TEFM: variants seen among roughly 807,000 people sequenced by gnomAD.
The protein encoded by TEFM is transcription elongation factor, mitochondrial.
TEFM carries 14 observed loss-of-function variants against 23.0 expected under a neutral mutation model. The observed-to-expected ratio is 0.61, with a 90% CI of 0.40 to 0.95. The LOEUF (loss-of-function observed/expected upper bound fraction) is 0.95, where lower values mean the gene tolerates loss of function less well. TEFM is among the 40% of genes least tolerant of loss of function. The probability of loss-of-function intolerance (pLI) is 0.00; values close to 1 mark genes in which losing one functional copy is unlikely to be tolerated. For synonymous variants in TEFM, 155 were observed against 158.3 expected, an observed-to-expected ratio of 0.98 and a Z score of 0.16; for missense variants, 386 against 425.5, an observed-to-expected ratio of 0.91 and a Z score of 0.82.
chr17:30,900,276 CATAAT>C, intron 3 of TEFM, 132 bp downstream of exon 3: 1 of 832,230 alleles, frequency 1.2e-6, no homozygotes, highest in Non-Finnish European at 1.8e-6. Context: ...TGATGGAAAA[CATAAT>C]AGGAATAAGT....
rs752803488 is a variant in TEFM at position 30,899,607 on chromosome 17, CTT to C, written c.646-3_646-2del. On this transcript the variant is annotated splice_acceptor_variant and splice_polypyrimidine_tract_variant and intron_variant, in intron 3 of 3. Coordinates refer to ENST00000581216, the MANE Select transcript of TEFM (RefSeq NM_024683.4). LOFTEE classifies it high-confidence loss of function. Reference sequence around the variant, plus strand: ...GCATCTTTGAAATGATCGAGGAAATCTTTTTAAAAAAAGACAAAATAAAGGAA... The same window carrying C: ...GCATCTTTGAAATGATCGAGGAAATCTTTAAAAAAAGACAAAATAAAGGAA... 1 of 1,493,172 alleles carries C rather than the reference CTT, an allele frequency of 6.7e-7. No homozygotes were observed. The highest frequency in any genetic ancestry group is 1.4e-5 in the South Asian group (1 of 69,904). 92.5% of individuals were successfully genotyped at this position (1,493,172 alleles called of 1,614,324 possible). A position where few individuals can be genotyped will look rare whatever the true frequency, so the allele number is the denominator to read the frequency against.
Position 30,899,428 on chromosome 17 carries a change from C to G in TEFM, c.824G>C (p.Ser275Thr), listed in dbSNP as rs762494699. 6.2e-7 allele frequency: 1 copy of G among 1,614,094 alleles called. No homozygotes were observed. Among genetic ancestry groups the G allele is most frequent in the Non-Finnish European group, 8.5e-7 (1 of 1,180,038 alleles). ...CTTCCCCACTGCATTTCGATTCATG[C>G]TCAGCACCTGATGCTGCCCATCCTG... The part of the protein sequence containing the change: ...FAQDGQHQVL[S>T]MNRNAVGKHF... The change falls in exon 4 of 4, where the codon AGC (serine) becomes ACC (threonine). Residue 275 changes from serine (S) to threonine (T), a missense_variant. Coordinates refer to ENST00000581216, the MANE Select transcript of TEFM (RefSeq NM_024683.4).
Position 30,902,502 on chromosome 17 carries a change from C to T in TEFM, c.495+1564G>A, listed in dbSNP as rs542435843. Among the ~76,000 whole-genome samples the T allele has an allele frequency of 5.9e-5, 9 of 152,288 alleles. No homozygotes were observed. In the South Asian group the frequency reaches 1.9e-3, roughly 32 times the overall value. On this transcript the variant is annotated intron_variant, in intron 2 of 3. Coordinates refer to ENST00000581216, the MANE Select transcript of TEFM (RefSeq NM_024683.4). ...GCCCCCTAAATAAGATGCAACTCCA[C>T]TCTAATCTGGGTATAAATAGTTTTG... is the stretch of plus-strand genomic sequence containing the variant.
At chr17:30,900,871 G>A (rs1910033217) in intron 2 of TEFM, among the ~76,000 whole-genome samples, 1 of 151,982 alleles carries the variant, frequency 6.6e-6, no homozygotes, top group Non-Finnish European at 1.5e-5. Context: ...CTCCCAAAGA[G>A]CTAGGATTAC....
rs11653096 is a variant in TEFM, at chr17:30,906,145, C to T, written c.31+23G>A. ...GAGGCTAATGACAGACGGGAAATCACCCCAGTGTTCCAAGCACCCTACCTC... is the reference window on the plus strand; with the variant it reads ...GAGGCTAATGACAGACGGGAAATCATCCCAGTGTTCCAAGCACCCTACCTC... On this transcript the variant is annotated intron_variant, in intron 1 of 3. Transcript: ENST00000581216. The T allele has an allele frequency of 4.3e-4, 543 of 1,266,180 alleles. 2 individuals are homozygous for T. The highest frequency in any genetic ancestry group is 1.2e-3 in the Middle Eastern group (6 of 4,926). The allele number at this position is 1,266,180 out of a possible 1,614,324, so 78.4% of individuals were successfully genotyped here.
intron 1 of TEFM, among the ~76,000 whole-genome samples, chr17:30,905,531 A>G (rs1207077339): frequency 6.6e-6 from 1 of 152,168 alleles, no homozygotes; most frequent in African/African-American, 2.4e-5. Context: ...AAAAAAAAAA[A>G]AAAAAGGGTT....
At chr17:30,904,703 G>A (rs1327300275) in intron 1 of TEFM, among the ~76,000 whole-genome samples, 174 bp from the exon 2 acceptor site, 2 of 146,836 alleles carry the variant, frequency 1.4e-5, no homozygotes, top group East Asian at 2.0e-4. Context: ...TTTTTGAGAC[G>A]GAGTCTTGCT....
intron 2 of TEFM, 194 bp downstream of exon 2, chr17:30,903,872 C>T: frequency 1.8e-6 from 1 of 543,536 alleles, no homozygotes; most frequent in Non-Finnish European, 3.2e-6. Context: ...CCACAACAGT[C>T]ACAGCCCATT....
chr17:30,904,602 A>G, intron 1 of TEFM, 73 bp from the exon 2 acceptor site: 5 of 1,057,276 alleles, frequency 4.7e-6, no homozygotes, highest in Non-Finnish European at 6.8e-6. Context: ...GCTTGACTAG[A>G]TCCTTTGCAA....
intron 3 of TEFM, chr17:30,899,869 A>G (rs1910000651): frequency 6.9e-6 from 2 of 291,238 alleles, no homozygotes; most frequent in African/African-American, 2.2e-5. Flanking sequence ...AATTTCTAAA[A>G]TATGTATTGG....
At chr17:30,905,922 G>A (rs1026188570) in intron 1 of TEFM, among the ~76,000 whole-genome samples, 1 of 152,142 alleles carries the variant, frequency 6.6e-6, no homozygotes. Context: ...CCCAAGAGAG[G>A]GGCCTGAACA....
chr17:30,900,560 T>G lies in TEFM; in HGVS notation c.498A>C (p.Ala166=). 1 of 1,607,718 alleles carries G rather than the reference T, an allele frequency of 6.2e-7. No homozygotes were observed. The highest frequency in any genetic ancestry group is 8.5e-7 in the Non-Finnish European group (1 of 1,177,708). Residue 166 remains alanine (A), a splice_region_variant and synonymous_variant, in exon 3 of 4, where the codon GCA becomes GCC. Coordinates refer to ENST00000581216, the MANE Select transcript of TEFM (RefSeq NM_024683.4). ...AAACGATAGATATGATACTATTAACTGCCTAAAAGAAAAGACTGATTTAAT... is the reference window on the plus strand; with the variant it reads ...AAACGATAGATATGATACTATTAACGGCCTAAAAGAAAAGACTGATTTAAT... ...KPDIERERLK[A]VNSIISIVFG...
At chr17:30,903,116 G>A (rs1372019631) in intron 2 of TEFM, among the ~76,000 whole-genome samples, 5 of 109,376 alleles carry the variant, frequency 4.6e-5, no homozygotes, top group Non-Finnish European at 6.8e-5. Context: ...CCAGCCTGGC[G>A]ACAGCACAAG....
chr17:30,901,529 A>T (rs1910046398), intron 2 of TEFM, among the ~76,000 whole-genome samples: 1 of 152,202 alleles, frequency 6.6e-6, no homozygotes, highest in Non-Finnish European at 1.5e-5. Context: ...TTACTGGAGG[A>T]CTAGGAGAAT....
Position 30,899,086 on chromosome 17 carries a change from C to A in TEFM, c.*83G>T, listed in dbSNP as rs865881694. 6 of 1,281,960 alleles carry A rather than the reference C, an allele frequency of 4.7e-6. 1 individual carries two copies. In the Middle Eastern group the frequency reaches 1.1e-3, roughly 231 times the overall value. 79.4% of individuals were successfully genotyped at this position (1,281,960 alleles called of 1,614,324 possible). A position where few individuals can be genotyped will look rare whatever the true frequency, so the allele number is the denominator to read the frequency against. On this transcript the variant is annotated 3_prime_UTR_variant, in exon 4 of 4. Coordinates refer to ENST00000581216, the MANE Select transcript of TEFM (RefSeq NM_024683.4). ...ATCTAAAATACACTGAAAATGTGTTCTTTTCCAATAACATGGATGTTCACA... is the reference window on the plus strand; with the variant it reads ...ATCTAAAATACACTGAAAATGTGTTATTTTCCAATAACATGGATGTTCACA...
At chr17:30,904,593 C>T in intron 1 of TEFM, 64 bp from the exon 2 acceptor site, 1 of 1,191,164 alleles carries the variant, frequency 8.4e-7, no homozygotes, top group South Asian at 1.5e-5. Flanking sequence ...TAGTTGCAAG[C>T]TTGACTAGAT....
chr17:30,899,098 C>T lies in TEFM; in HGVS notation c.*71G>A. On this transcript the variant is annotated 3_prime_UTR_variant, in exon 4 of 4. Coordinates refer to ENST00000581216, the MANE Select transcript of TEFM (RefSeq NM_024683.4). ...CTGAAAATGTGTTCTTTTCCAATAA[C>T]ATGGATGTTCACAACAGTTGGTGTT... The T allele has an allele frequency of 7.6e-7, 1 of 1,311,046 alleles. No individual in the cohort carries two copies. The highest frequency in any genetic ancestry group is 1.0e-6 in the Non-Finnish European group (1 of 967,512). The allele number at this position is 1,311,046 out of a possible 1,614,324, so 81.2% of individuals were successfully genotyped here. A position where few individuals can be genotyped will look rare whatever the true frequency, so the allele number is the denominator to read the frequency against.
intron 2 of TEFM, 67 bp downstream of exon 2, chr17:30,903,999 C>A: frequency 7.0e-7 from 1 of 1,424,972 alleles, no homozygotes; most frequent in Non-Finnish European, 9.5e-7. Flanking sequence ...CAACCCAATG[C>A]CCAGAAGAGT....
Position 30,904,295 on chromosome 17 carries a change from C to G in TEFM, c.266G>C (p.Arg89Pro). Reference sequence around the variant, plus strand: ...GATGGACCTTCTTCCACGAAGCAATCGGAAAGCTTCAAGTTCTTTAGTAGA... The same window carrying G: ...GATGGACCTTCTTCCACGAAGCAATGGGAAAGCTTCAAGTTCTTTAGTAGA... ...TASTKELEAF[R>P]LLRGRRSINI... Residue 89 changes from arginine (R) to proline (P), a missense_variant, in exon 2 of 4, where the codon CGA (arginine) becomes CCA (proline). Physicochemically the swap from Arg to Pro is moderately radical, Grantham distance 103. Transcript: ENST00000581216. The G allele has an allele frequency of 6.2e-7, 1 of 1,614,198 alleles. No individual in the cohort carries two copies. The highest frequency in any genetic ancestry group is 8.5e-7 in the Non-Finnish European group (1 of 1,180,040).
Sources: gnomAD v4.1 joint callset for allele counts (sites outside exome capture counted in the v4.1 genomes callset) on GRCh38, gnomAD v4.1.1 for gene constraint, MANE v1.5 for transcripts, NCBI Gene and HGNC (gene_info 2026-07-23, HGNC 2026-07-21) for gene names.